Variants in GRXCR1 observed in about 807,000 individuals in gnomAD.
GRXCR1 encodes glutaredoxin and cysteine rich domain containing 1.
GRXCR1 carries 27 observed loss-of-function variants against 27.3 expected under a neutral mutation model. That is an observed-to-expected ratio of 0.99 (90% CI 0.73 to 1.37). GRXCR1 has a LOEUF of 1.37. Among genes scored for constraint, GRXCR1 ranks in the 40% most tolerant of loss-of-function variants. The probability of loss-of-function intolerance (pLI) is 0.00; values close to 1 mark genes in which losing one functional copy is unlikely to be tolerated. For synonymous variants in GRXCR1, 122 were observed against 131.1 expected, an observed-to-expected ratio of 0.93 and a Z score of 0.47; for missense variants, 379 against 354.4, an observed-to-expected ratio of 1.07 and a Z score of -0.56.
chr4:42,968,772 AG>A, intron 2 of GRXCR1, among the ~76,000 whole-genome samples: 1 of 152,096 alleles, frequency 6.6e-6, no homozygotes, highest in East Asian at 1.9e-4. Flanking sequence ...CTTTTCAAAG[AG>A]TTTTTTTTTA....
chr4:43,014,274 C>A (rs1294894141), intron 2 of GRXCR1, among the ~76,000 whole-genome samples: 1 of 152,084 alleles, frequency 6.6e-6, no homozygotes, highest in Non-Finnish European at 1.5e-5. Flanking sequence ...TCTGGTCATG[C>A]ACTGGAAAAG....
chr4:42,906,071 T>A (rs1746583456), intron 1 of GRXCR1, among the ~76,000 whole-genome samples: 1 of 151,636 alleles, frequency 6.6e-6, no homozygotes, highest in Admixed American at 6.6e-5. Flanking sequence ...GATTTTAATC[T>A]TTCTATTTTT....
chr4:42,964,036 AT>A, intron 2 of GRXCR1, among the ~76,000 whole-genome samples: 1 of 151,982 alleles, frequency 6.6e-6, no homozygotes, highest in Non-Finnish European at 1.5e-5. Context: ...ATACCCTGTC[AT>A]TTTATGAAAA....
At chr4:42,993,592 G>A (rs1342813478) in intron 2 of GRXCR1, among the ~76,000 whole-genome samples, 1 of 151,920 alleles carries the variant, frequency 6.6e-6, no homozygotes, top group Non-Finnish European at 1.5e-5. Flanking sequence ...CCTGCCGTTG[G>A]GCAAAATTAT....
At chr4:42,970,041 C>A (rs1748349317) in intron 2 of GRXCR1, among the ~76,000 whole-genome samples, 1 of 152,124 alleles carries the variant, frequency 6.6e-6, no homozygotes, top group Non-Finnish European at 1.5e-5. Context: ...GTCCAAAACC[C>A]AGCAGGGCAG....
chr4:42,941,486 T>C (rs1747620419), intron 1 of GRXCR1, among the ~76,000 whole-genome samples: 1 of 151,972 alleles, frequency 6.6e-6, no homozygotes, highest in South Asian at 2.1e-4. Flanking sequence ...CCTGTTGAAT[T>C]ACATAATTAT....
intron 2 of GRXCR1, among the ~76,000 whole-genome samples, chr4:42,988,003 G>A (rs1369369578): frequency 6.6e-6 from 1 of 152,080 alleles, no homozygotes; most frequent in East Asian, 1.9e-4. Flanking sequence ...TTCTCATTGG[G>A]GTCCTCAGAT....
At chr4:42,996,625 C>A (rs1382875495) in intron 2 of GRXCR1, among the ~76,000 whole-genome samples, 2 of 151,660 alleles carry the variant, frequency 1.3e-5, no homozygotes, top group Non-Finnish European at 2.9e-5. Flanking sequence ...TTCAAATAGT[C>A]TATTCCATTT....
At chr4:42,989,674 C>T (rs1264201483) in intron 2 of GRXCR1, among the ~76,000 whole-genome samples, 4 of 152,160 alleles carry the variant, frequency 2.6e-5, no homozygotes, top group African/African-American at 7.2e-5. Flanking sequence ...TGATTATACA[C>T]AGAAGGGTCA....
At chr4:42,904,029 C>T (rs1746528191) in intron 1 of GRXCR1, among the ~76,000 whole-genome samples, 1 of 152,162 alleles carries the variant, frequency 6.6e-6, no homozygotes, top group Non-Finnish European at 1.5e-5. Context: ...TTAAAAGTGG[C>T]TCTTGGATCC....
chr4:42,954,864 T>TGG (rs1747962387), intron 1 of GRXCR1, among the ~76,000 whole-genome samples: 5 of 152,126 alleles, frequency 3.3e-5, no homozygotes, highest in Non-Finnish European at 5.9e-5. Flanking sequence ...GGATAAAGTT[T>TGG]ATTTACAAAT....
intron 3 of GRXCR1, among the ~76,000 whole-genome samples, chr4:43,023,642 C>T (rs372515729): frequency 1.2e-4 from 19 of 152,228 alleles, no homozygotes; most frequent in South Asian, 6.2e-4. Flanking sequence ...GTAATCTTCC[C>T]ACTGAGATGT....
At chr4:42,903,308 A>ATTTTTTTT (rs35512711) in intron 1 of GRXCR1, among the ~76,000 whole-genome samples, 1 of 63,228 alleles carries the variant, frequency 1.6e-5, no homozygotes, top group East Asian at 6.2e-4. Context: ...AGCTTTGTAG[A>ATTTTTTTT]TTTTTTTTTT....
intron 1 of GRXCR1, among the ~76,000 whole-genome samples, chr4:42,959,161 T>C (rs910025048): frequency 6.6e-6 from 1 of 151,984 alleles, no homozygotes; most frequent in African/African-American, 2.4e-5. Flanking sequence ...TGCCAAGATA[T>C]AGGTACAACC....
intron 1 of GRXCR1, among the ~76,000 whole-genome samples, chr4:42,922,483 T>C (rs1430913588): frequency 6.6e-6 from 1 of 152,168 alleles, no homozygotes; most frequent in Non-Finnish European, 1.5e-5. Context: ...CCCATGAGGC[T>C]CTGGAAGCAG....
chr4:42,965,281 G>C (rs1748211750), intron 2 of GRXCR1, among the ~76,000 whole-genome samples: 1 of 152,028 alleles, frequency 6.6e-6, no homozygotes, highest in South Asian at 2.1e-4. Context: ...CTACCTTGCT[G>C]TTTCTTTAAT....
intron 1 of GRXCR1, among the ~76,000 whole-genome samples, chr4:42,901,662 T>C (rs74531180): frequency 0.086 from 13,092 of 152,236 alleles, 976 homozygotes; most frequent in East Asian, 0.34. Flanking sequence ...GATTAGGACA[T>C]GGGTAGCTAT....
intron 2 of GRXCR1, among the ~76,000 whole-genome samples, chr4:42,999,515 GGAAGTAAAAAC>G (rs1253328258): frequency 6.6e-6 from 1 of 152,102 alleles, no homozygotes; most frequent in East Asian, 1.9e-4. Flanking sequence ...CCCTTTCTTT[GGAAGTAAAAAC>G]AAAGCATCTT....
chr4:43,012,872 TA>T (rs1449409662), intron 2 of GRXCR1, among the ~76,000 whole-genome samples: 2 of 152,052 alleles, frequency 1.3e-5, no homozygotes, highest in Non-Finnish European at 2.9e-5. Flanking sequence ...ATAATCCCGT[TA>T]AAAATGTGCG....
Sources: allele counts gnomAD v4.1 joint callset (sites outside exome capture counted in the v4.1 genomes callset), GRCh38; gene constraint gnomAD v4.1.1; transcripts MANE v1.5; gene names NCBI Gene and HGNC (gene_info 2026-07-23, HGNC 2026-07-21).